Variants in MELK observed in about 807,000 individuals in gnomAD.
MELK encodes maternal embryonic leucine zipper kinase.
A neutral mutation model predicts 85.0 loss-of-function variants in MELK; 81 were observed. The ratio of observed to expected loss-of-function variants is 0.95; its 90% CI spans 0.80 to 1.15. MELK has a LOEUF of 1.15. Ranked by LOEUF, MELK falls within the 50% of genes most tolerant of loss-of-function variation. The pLI is 0.00. For missense variants in MELK, 754 were observed against 777.5 expected (o/e 0.97, Z 0.36); for synonymous variants, 252 against 265.0 (o/e 0.95, Z 0.48).
chr9:36,599,453 G>A lies in MELK; in HGVS notation c.534G>A (p.Glu178=). ...CCGSLAYAAP[E]LIQGKSYLGS... Reference sequence around the variant, plus strand: ...GGAGTCTGGCTTATGCAGCACCTGAGTTAATACAAGGCAAATCATATCTTG... The same window carrying A: ...GGAGTCTGGCTTATGCAGCACCTGAATTAATACAAGGCAAATCATATCTTG... The change falls in exon 7 of 18, where the codon GAG becomes GAA. Residue 178 remains glutamate, a synonymous_variant. Transcript: ENST00000298048. The A allele has an allele frequency of 6.2e-7, 1 of 1,613,322 alleles. No homozygotes were observed. The highest frequency in any genetic ancestry group is 8.5e-7 in the Non-Finnish European group (1 of 1,179,428).
Position 36,577,866 on chromosome 9 carries a change from T to A in MELK, c.-38-3778T>A, listed in dbSNP as rs928635897. On this transcript the variant is annotated intron_variant, in intron 1 of 17. Coordinates refer to ENST00000298048, the MANE Select transcript of MELK (RefSeq NM_014791.4). ...CGGGGTTTCTCCATGTTGGTCAGGC[T>A]GGTCTTGAACTCCCGACCTCAGGTG... 2.0e-5 allele frequency among the ~76,000 whole-genome samples: 3 copies of A among 152,016 alleles called. No individual in the cohort carries two copies. The South Asian group carries it at 6.2e-4, about 32-fold the overall frequency.
chr9:36,589,944 C>T (rs183458389), intron 4 of MELK, among the ~76,000 whole-genome samples: 11 of 117,508 alleles, frequency 9.4e-5, no homozygotes, highest in South Asian at 2.7e-4. Context: ...TTTTTTGAGA[C>T]GGAATTTCGC....
At chr9:36,575,049 C>CT (rs1350151111) in intron 1 of MELK, among the ~76,000 whole-genome samples, 2 of 152,142 alleles carry the variant, frequency 1.3e-5, no homozygotes, top group African/African-American at 4.8e-5. Context: ...GGCAGAATTG[C>CT]TTGAACTCAG....
Position 36,665,465 on chromosome 9 carries a change from C to T in MELK, c.1292C>T (p.Ser431Phe). 1 of 1,613,128 alleles carries T rather than the reference C, an allele frequency of 6.2e-7. No individual in the cohort carries two copies. The highest frequency in any genetic ancestry group is 8.5e-7 in the Non-Finnish European group (1 of 1,179,236). The change falls in exon 14 of 18, where the codon TCT becomes TTT. Residue 431 changes from serine to phenylalanine, a missense_variant. By Grantham distance (155) the Ser-to-Phe change is radical. Coordinates refer to ENST00000298048, the MANE Select transcript of MELK (RefSeq NM_014791.4). ...AAAGAAAATGTATATACTCCTAAGT[C>T]TGCTGTAAAGAATGAAGAGTACTTT... The part of the protein sequence containing the change: ...KNKENVYTPK[S>F]AVKNEEYFMF...
At chr9:36,646,192 G>A (rs1830202456) in intron 11 of MELK, among the ~76,000 whole-genome samples, 5 of 152,122 alleles carry the variant, frequency 3.3e-5, no homozygotes, top group Admixed American at 3.3e-4. Context: ...CCCTTGTCTG[G>A]GTAGCTCAGA....
chr9:36,670,207 G>A (rs1324162372), intron 15 of MELK, among the ~76,000 whole-genome samples: 2 of 152,178 alleles, frequency 1.3e-5, no homozygotes, highest in Admixed American at 6.5e-5. Flanking sequence ...TCTCAATAAT[G>A]TGTATATATG....
chr9:36,589,798 T>C (rs971130931), intron 4 of MELK, 146 bp downstream of exon 4: 40 of 605,076 alleles, frequency 6.6e-5, no homozygotes, highest in African/African-American at 6.1e-4. Flanking sequence ...ATTAAATAGA[T>C]GTATATAATA....
At chr9:36,659,638 C>A (rs1042153224) in intron 13 of MELK, among the ~76,000 whole-genome samples, 10 of 152,120 alleles carry the variant, frequency 6.6e-5, no homozygotes, top group African/African-American at 1.4e-4. Flanking sequence ...GGAATCAATT[C>A]GTCTCTCAGT....
intron 10 of MELK, among the ~76,000 whole-genome samples, chr9:36,641,528 G>C (rs528468700): frequency 1.3e-5 from 2 of 151,954 alleles, no homozygotes; most frequent in African/African-American, 4.8e-5. Flanking sequence ...CATTCCAGCT[G>C]TTCTGTGTAC....
Position 36,657,276 on chromosome 9 carries a change from T to A in MELK, c.1089T>A (p.Ser363Arg). ...GGAGTCTGGAAGATGTGACCGCAAG[T>A]GATAAAAATTATGTGGCGGGATTAA... Reference protein sequence around the residue: ...NNWSLEDVTASDKNYVAGLID... With the variant: ...NNWSLEDVTARDKNYVAGLID... The change falls in exon 13 of 18, where the codon AGT becomes AGA. Residue 363 changes from serine (S) to arginine (R), a missense_variant. Coordinates refer to ENST00000298048, the MANE Select transcript of MELK (RefSeq NM_014791.4). 3 of 1,613,584 alleles carry A rather than the reference T, an allele frequency of 1.9e-6. No individual in the cohort carries two copies. Among genetic ancestry groups the A allele is most frequent in the Non-Finnish European group, 2.5e-6 (3 of 1,179,894 alleles).
intron 1 of MELK, among the ~76,000 whole-genome samples, chr9:36,577,640 A>ATTT (rs1821788009): frequency 6.7e-6 from 1 of 150,002 alleles, no homozygotes; most frequent in Non-Finnish European, 1.5e-5. Context: ...CCTCGACTAG[A>ATTT]TTTTAATTTT....
intron 8 of MELK, among the ~76,000 whole-genome samples, chr9:36,619,577 T>C (rs1827197491): frequency 2.0e-5 from 3 of 152,122 alleles, no homozygotes; most frequent in Non-Finnish European, 4.4e-5. Flanking sequence ...TAAAGATGTA[T>C]GATGTGTAAA....
intron 16 of MELK, among the ~76,000 whole-genome samples, chr9:36,671,672 C>T (rs1832903811): frequency 6.6e-6 from 1 of 151,976 alleles, no homozygotes; most frequent in African/African-American, 2.4e-5. Context: ...ATTTAATAGA[C>T]CCAGTATGCT....
chr9:36,661,133 C>T (rs935447964), intron 13 of MELK, among the ~76,000 whole-genome samples: 4 of 152,312 alleles, frequency 2.6e-5, no homozygotes, highest in Non-Finnish European at 5.9e-5. Context: ...CCTCCAGCGG[C>T]TCCTAGGTTG....
chr9:36,588,721 G>C (rs1564128061), intron 3 of MELK, among the ~76,000 whole-genome samples: 1 of 152,044 alleles, frequency 6.6e-6, no homozygotes, highest in African/African-American at 2.4e-5. Flanking sequence ...GTTACTTGAT[G>C]ATATCTCTAG....
chr9:36,628,538 G>C (rs1828165450), intron 8 of MELK, among the ~76,000 whole-genome samples: 1 of 151,984 alleles, frequency 6.6e-6, no homozygotes, highest in Admixed American at 6.6e-5. Context: ...TCCTGCCTCA[G>C]CCTCCCGAGT....
chr9:36,631,559 C>T (rs965817677), intron 9 of MELK, among the ~76,000 whole-genome samples: 2 of 151,720 alleles, frequency 1.3e-5, no homozygotes, highest in African/African-American at 4.8e-5. Flanking sequence ...AGCCACCGCA[C>T]CCAGCCTGGC....
Position 36,581,654 on chromosome 9 carries a change from T to C in MELK, c.-28T>C, listed in dbSNP as rs1402706919. 6.7e-7 allele frequency: 1 copy of C among 1,503,012 alleles called. No individual in the cohort carries two copies. The highest frequency in any genetic ancestry group is 9.2e-7 in the Non-Finnish European group (1 of 1,082,830). 93.1% of individuals were successfully genotyped at this position (1,503,012 alleles called of 1,614,324 possible). A position where few individuals can be genotyped will look rare whatever the true frequency, so the allele number is the denominator to read the frequency against. ...CTCTCTGTCTTCTAGGTTCTTTTTCTAATTCCAAATAAACTTGCAAGAGGA... is the reference window on the plus strand; with the variant it reads ...CTCTCTGTCTTCTAGGTTCTTTTTCCAATTCCAAATAAACTTGCAAGAGGA... On this transcript the variant is annotated 5_prime_UTR_variant, in exon 2 of 18. Coordinates refer to ENST00000298048, the MANE Select transcript of MELK (RefSeq NM_014791.4).
At chr9:36,617,718 A>G (rs1244498359) in intron 8 of MELK, among the ~76,000 whole-genome samples, 3 of 152,152 alleles carry the variant, frequency 2.0e-5, no homozygotes, top group African/African-American at 7.2e-5. Flanking sequence ...ACTTTTTAAA[A>G]ATGTTTAAAT....
Sources: gnomAD v4.1 joint callset for allele counts (sites outside exome capture counted in the v4.1 genomes callset) on GRCh38, gnomAD v4.1.1 for gene constraint, MANE v1.5 for transcripts, NCBI Gene and HGNC (gene_info 2026-07-23, HGNC 2026-07-21) for gene names.